The following NTM variants were observed in gnomAD, a reference collection of about 807,000 sequenced individuals.
NTM encodes IgLON family member 2.
Under a neutral mutation model 42.1 loss-of-function variants are expected in NTM, and 13 were observed. The ratio of observed to expected loss-of-function variants is 0.31; its 90% CI spans 0.20 to 0.49. The LOEUF is 0.49. NTM is among the 20% of genes least tolerant of loss of function. The pLI is 0.99. For synonymous variants in NTM, 187 were observed against 179.2 expected (o/e 1.04, Z -0.35); for missense variants, 373 against 452.8 (o/e 0.82, Z 1.60).
intron 4 of NTM, among the ~76,000 whole-genome samples, chr11:132,291,032 C>T (rs1565400004): frequency 1.3e-5 from 2 of 151,956 alleles, no homozygotes; most frequent in African/African-American, 4.8e-5. Flanking sequence ...CACAATGGGC[C>T]GTATAGGAAT....
intron 1 of NTM, among the ~76,000 whole-genome samples, chr11:131,768,746 T>G (rs2085552936): frequency 6.6e-6 from 1 of 152,186 alleles, no homozygotes; most frequent in Non-Finnish European, 1.5e-5. Flanking sequence ...TCGCAATGTC[T>G]TGATACATGG....
In NTM at chr11:131,767,195, G is replaced by C. The variant is rs937566548; in HGVS notation, c.83-144369G>C. The C allele has an allele frequency of 5.2e-6, 4 of 773,204 alleles. No homozygotes were observed. The South Asian group carries it at 2.4e-4, about 46-fold the overall frequency. 47.9% of individuals were successfully genotyped at this position (773,204 alleles called of 1,614,324 possible). A position where few individuals can be genotyped will look rare whatever the true frequency, so the allele number is the denominator to read the frequency against. The stretch of plus-strand genomic sequence containing the variant: ...AAAGACAAATTACTTAACCAAATAT[G>C]GTTTCTTCAAATCCAAAAAGAGTTA... On this transcript the variant is annotated intron_variant, in intron 1 of 8. Transcript: ENST00000683400.
At chr11:132,266,441 A>G (rs1233070434) in intron 4 of NTM, among the ~76,000 whole-genome samples, 5 of 152,168 alleles carry the variant, frequency 3.3e-5, no homozygotes, top group South Asian at 2.1e-4. Flanking sequence ...AGATTGCTGC[A>G]GGGAGGGATG....
At chr11:132,192,743 G>A (rs186172289) in intron 3 of NTM, among the ~76,000 whole-genome samples, 8 of 152,262 alleles carry the variant, frequency 5.3e-5, no homozygotes, top group African/African-American at 1.9e-4. Flanking sequence ...ACAGTCTGCT[G>A]CCGTTGAGAG....
At chr11:132,305,835 T>C (rs2095057544) in intron 4 of NTM, among the ~76,000 whole-genome samples, 1 of 152,224 alleles carries the variant, frequency 6.6e-6, no homozygotes, top group South Asian at 2.1e-4. Flanking sequence ...ACTATGAGTC[T>C]ATTTGGGTTA....
chr11:132,168,254 AG>A (rs1318062109), intron 3 of NTM, among the ~76,000 whole-genome samples: 1 of 152,198 alleles, frequency 6.6e-6, no homozygotes, highest in African/African-American at 2.4e-5. Flanking sequence ...ACATCTAAAG[AG>A]GGCAAATCCT....
chr11:131,663,807 G>C (rs370906106), intron 1 of NTM, among the ~76,000 whole-genome samples: 2 of 151,884 alleles, frequency 1.3e-5, no homozygotes, highest in African/African-American at 4.8e-5. Flanking sequence ...CACACACACA[G>C]AGATTTCTTA....
At chr11:132,170,718 T>C (rs746129610) in intron 3 of NTM, among the ~76,000 whole-genome samples, 92 of 152,198 alleles carry the variant, frequency 6.0e-4, no homozygotes, top group Non-Finnish European at 1.1e-3. Context: ...CATCAGTTTA[T>C]TGTGAGGGGG....
At chr11:131,554,433 GA>G (rs1477517266) in intron 1 of NTM, among the ~76,000 whole-genome samples, 2 of 150,860 alleles carry the variant, frequency 1.3e-5, no homozygotes. Flanking sequence ...CTTTTGGCAG[GA>G]AAAATTAAGA....
At chr11:131,664,753 G>GTTTTTTTTTTTTTTTTTTTTT (rs199824869) in intron 1 of NTM, among the ~76,000 whole-genome samples, 2 of 112,914 alleles carry the variant, frequency 1.8e-5, no homozygotes, top group African/African-American at 6.7e-5. Context: ...CTCTTCCATT[G>GTTTTTTTTTTTTTTTTTTTTT]TTTTTTTTTT....
chr11:132,206,042 TTTTCC>T, intron 3 of NTM, among the ~76,000 whole-genome samples: 1 of 152,222 alleles, frequency 6.6e-6, no homozygotes, highest in South Asian at 2.1e-4. Context: ...ATTTGTGCAT[TTTTCC>T]TGGGCATGGC....
At chr11:131,875,933 G>A (rs2048474854) in intron 1 of NTM, among the ~76,000 whole-genome samples, 2 of 152,236 alleles carry the variant, frequency 1.3e-5, no homozygotes, top group Non-Finnish European at 2.9e-5. Context: ...GGCAGAGGCA[G>A]CGAGGAGCCT....
At chr11:132,037,378 C>T (rs1028236149) in intron 2 of NTM, among the ~76,000 whole-genome samples, 2 of 152,178 alleles carry the variant, frequency 1.3e-5, no homozygotes, top group South Asian at 2.1e-4. Flanking sequence ...GCCTGCAGTA[C>T]CATGAGCCAA....
chr11:132,174,191 A>G (rs1174351721), intron 3 of NTM, among the ~76,000 whole-genome samples: 1 of 152,232 alleles, frequency 6.6e-6, no homozygotes, highest in East Asian at 1.9e-4. Flanking sequence ...GGCATCCTAC[A>G]TTCTAGGCCC....
At chr11:131,402,418 G>A (rs1001167796) in intron 1 of NTM, among the ~76,000 whole-genome samples, 2 of 151,750 alleles carry the variant, frequency 1.3e-5, no homozygotes, top group Admixed American at 6.6e-5. Context: ...AACAAATATT[G>A]GAGAATCCTG....
intron 3 of NTM, among the ~76,000 whole-genome samples, chr11:132,175,020 C>A (rs1011655243): frequency 3.6e-4 from 55 of 152,078 alleles, no homozygotes; most frequent in African/African-American, 1.3e-3. Context: ...TCACTTTCCC[C>A]CTGCAGCCTG....
intron 4 of NTM, among the ~76,000 whole-genome samples, chr11:132,280,159 C>T (rs1199122060): frequency 6.6e-6 from 1 of 152,094 alleles, no homozygotes; most frequent in African/African-American, 2.4e-5. Flanking sequence ...GGATCTCAAC[C>T]GAGGTCATCA....
chr11:132,326,744 G>A (rs1484534035), intron 7 of NTM, among the ~76,000 whole-genome samples: 1 of 152,184 alleles, frequency 6.6e-6, no homozygotes, highest in Admixed American at 6.5e-5. Flanking sequence ...AAATTATTTA[G>A]AGAAAACAGC....
intron 1 of NTM, among the ~76,000 whole-genome samples, chr11:131,789,546 A>AG (rs1565551887): frequency 9.8e-4 from 8 of 8,136 alleles, no homozygotes; most frequent in Non-Finnish European, 1.3e-3. Context: ...GAAGAAGAAG[A>AG]AAAGAAGAAG....
Sources: allele counts gnomAD v4.1 joint callset (sites outside exome capture counted in the v4.1 genomes callset), GRCh38; gene constraint gnomAD v4.1.1; transcripts MANE v1.5; gene names NCBI Gene and HGNC (gene_info 2026-07-23, HGNC 2026-07-21).